GPC5: variants seen among roughly 807,000 people sequenced by gnomAD.
GPC5 encodes the protein glypican 5, also known as glypican-5.
A neutral mutation model predicts 53.9 loss-of-function variants in GPC5; 47 were observed. The observed-to-expected ratio is 0.87, with a 90% CI of 0.69 to 1.11. The LOEUF (loss-of-function observed/expected upper bound fraction) is 1.11. Ranked by LOEUF, GPC5 falls within the 50% of genes most tolerant of loss-of-function variation. The probability of loss-of-function intolerance (pLI) is 0.00; values close to 1 mark genes in which losing one functional copy is unlikely to be tolerated. For synonymous variants in GPC5, 286 were observed against 263.3 expected, an observed-to-expected ratio of 1.09 and a Z score of -0.84; for missense variants, 748 against 713.1, an observed-to-expected ratio of 1.05 and a Z score of -0.56.
rs139751205 is a variant in GPC5 at position 91,558,624 on chromosome 13, C to T, written c.325+109702C>T. ...CATCCAGTGACACTCATCCCTGGCA[C>T]GTTTGAGTGGCAATACCATTGCAAG... On this transcript the variant is annotated intron_variant, in intron 2 of 7. Transcript: ENST00000377067. Among the ~76,000 whole-genome samples the T allele has an allele frequency of 8.5e-4, 130 of 152,176 alleles. 1 individual carries two copies. The highest frequency in any genetic ancestry group is 2.9e-3 in the African/African-American group (120 of 41,514).
intron 5 of GPC5, among the ~76,000 whole-genome samples, chr13:91,844,149 A>T (rs1458373439): frequency 6.6e-6 from 1 of 152,202 alleles, no homozygotes; most frequent in Non-Finnish European, 1.5e-5. Context: ...AATGAAAGGG[A>T]TGTATGGAAA....
At chr13:91,564,113 C>T (rs1455938471) in intron 2 of GPC5, among the ~76,000 whole-genome samples, 1 of 152,166 alleles carries the variant, frequency 6.6e-6, no homozygotes, top group Non-Finnish European at 1.5e-5. Context: ...AGTGACAGCA[C>T]CCAATGCCTT....
At chr13:91,485,498 G>A (rs1373857431) in intron 2 of GPC5, among the ~76,000 whole-genome samples, 4 of 152,142 alleles carry the variant, frequency 2.6e-5, no homozygotes, top group East Asian at 1.9e-4. Context: ...GATTACAGGC[G>A]TGAGCCACTG....
At chr13:92,487,131 C>T (rs915419428) in intron 7 of GPC5, among the ~76,000 whole-genome samples, 7 of 152,292 alleles carry the variant, frequency 4.6e-5, no homozygotes, top group African/African-American at 1.7e-4. Context: ...GCTGGGATTA[C>T]AGGGGCCGTG....
chr13:91,945,485 T>C (rs932396570), intron 6 of GPC5, among the ~76,000 whole-genome samples: 7 of 152,352 alleles, frequency 4.6e-5, no homozygotes, highest in African/African-American at 1.7e-4. Context: ...AACAGGTTTC[T>C]GGTGATTAAG....
At chr13:92,047,823 A>G (rs927664964) in intron 6 of GPC5, among the ~76,000 whole-genome samples, 3 of 150,602 alleles carry the variant, frequency 2.0e-5, no homozygotes, top group East Asian at 1.9e-4. Flanking sequence ...AAAAAAAAAA[A>G]AAAAGAAAAT....
At chr13:92,826,729 A>AT (rs1223527708) in intron 7 of GPC5, among the ~76,000 whole-genome samples, 7 of 152,196 alleles carry the variant, frequency 4.6e-5, no homozygotes, top group East Asian at 1.9e-4. Flanking sequence ...CTACACTTTA[A>AT]TTTTTTACCA....
At chr13:92,691,790 T>G (rs1479771411) in intron 7 of GPC5, among the ~76,000 whole-genome samples, 2 of 151,934 alleles carry the variant, frequency 1.3e-5, no homozygotes, top group Non-Finnish European at 2.9e-5. Flanking sequence ...TTTTATACCT[T>G]AAACTACAAG....
At chr13:91,781,004 A>G (rs573380334) in intron 5 of GPC5, among the ~76,000 whole-genome samples, 1 of 152,320 alleles carries the variant, frequency 6.6e-6, no homozygotes, top group East Asian at 1.9e-4. Context: ...AGCGAAGGAA[A>G]AGTGAAGTAT....
chr13:92,427,140 A>G (rs866634855), intron 7 of GPC5, among the ~76,000 whole-genome samples: 4 of 151,736 alleles, frequency 2.6e-5, no homozygotes, highest in South Asian at 2.1e-4. Context: ...CATTTTCAAG[A>G]TTGGAGAAGA....
Position 92,866,404 on chromosome 13 carries a change from A to T in GPC5, c.1684A>T (p.Ile562Leu). 1.9e-6 allele frequency: 3 copies of T among 1,610,668 alleles called. No individual in the cohort carries two copies. The highest frequency in any genetic ancestry group is 2.5e-6 in the Non-Finnish European group (3 of 1,177,904). Residue 562 changes from isoleucine (I) to leucine (L), a missense_variant, in exon 8 of 8, where the codon ATA (isoleucine) becomes TTA (leucine). By Grantham distance (5) the Ile-to-Leu change is conservative. Transcript: ENST00000377067. ...GACTGAATCTATGACATTCACTCTG[A>T]TAAGTGTGGTGATGTTACTTCCCGG... is the stretch of plus-strand genomic sequence containing the variant. ...VATESMTFTL[I>L]SVVMLLPGIW
intron 7 of GPC5, among the ~76,000 whole-genome samples, chr13:92,468,675 A>G (rs1878795182): frequency 6.6e-6 from 1 of 152,168 alleles, no homozygotes; most frequent in Non-Finnish European, 1.5e-5. Context: ...TTAATGAAAC[A>G]CACACAAACA....
chr13:92,215,316 C>T (rs948264836), intron 7 of GPC5, among the ~76,000 whole-genome samples: 4 of 152,028 alleles, frequency 2.6e-5, no homozygotes, highest in African/African-American at 7.2e-5. Context: ...TTATACAGCT[C>T]GAACAAGTTT....
intron 7 of GPC5, among the ~76,000 whole-genome samples, chr13:92,630,794 T>C (rs1198807307): frequency 6.6e-6 from 1 of 152,166 alleles, no homozygotes; most frequent in African/African-American, 2.4e-5. Flanking sequence ...CTAGCAAAAC[T>C]GTTGTTAATG....
At chr13:92,765,542 G>A (rs541104883) in intron 7 of GPC5, among the ~76,000 whole-genome samples, 11 of 152,254 alleles carry the variant, frequency 7.2e-5, no homozygotes, top group South Asian at 6.2e-4. Flanking sequence ...GTGACATAAC[G>A]TATTGGCCCC....
At chr13:92,295,822 C>T (rs908926867) in intron 7 of GPC5, among the ~76,000 whole-genome samples, 1 of 152,012 alleles carries the variant, frequency 6.6e-6, no homozygotes, top group Non-Finnish European at 1.5e-5. Flanking sequence ...TCTTTTTCTA[C>T]CCCCTTTACC....
chr13:91,519,184 G>T (rs1206795031), intron 2 of GPC5, among the ~76,000 whole-genome samples: 1 of 152,172 alleles, frequency 6.6e-6, no homozygotes, highest in Non-Finnish European at 1.5e-5. Flanking sequence ...TCTTGGGATA[G>T]ATGAGCAATG....
intron 2 of GPC5, among the ~76,000 whole-genome samples, chr13:91,650,750 G>GTTTTGTTTTGTTTTTTTT (rs1555333961): frequency 1.2e-4 from 12 of 99,600 alleles, no homozygotes; most frequent in African/African-American, 4.1e-4. Flanking sequence ...ATTCCCATAA[G>GTTTTGTTTTGTTTTTTTT]TTTTTTTTTT....
intron 2 of GPC5, among the ~76,000 whole-genome samples, chr13:91,490,857 A>G (rs1263370533): frequency 6.6e-6 from 1 of 152,042 alleles, no homozygotes; most frequent in African/African-American, 2.4e-5. Flanking sequence ...TATAGTCACC[A>G]TCTCTCTATA....
Sources: allele counts gnomAD v4.1 joint callset (sites outside exome capture counted in the v4.1 genomes callset), GRCh38; gene constraint gnomAD v4.1.1; transcripts MANE v1.5; gene names NCBI Gene and HGNC (gene_info 2026-07-23, HGNC 2026-07-21).